ZNF23: variants seen among roughly 807,000 people sequenced by gnomAD.
The protein encoded by ZNF23 is kruppel-like zinc finger factor X31.
In ZNF23, 48 loss-of-function variants were observed where a neutral mutation model predicts 56.2. That is an observed-to-expected ratio of 0.85 (90% CI 0.68 to 1.09). The LOEUF (loss-of-function observed/expected upper bound fraction) is 1.09. Ranked by LOEUF, ZNF23 falls within the 50% of genes least tolerant of loss-of-function variation. The pLI is 0.00. For missense variants in ZNF23, 805 were observed against 811.4 expected (o/e 0.99, Z 0.10); for synonymous variants, 266 against 283.3 (o/e 0.94, Z 0.61).
rs571668049 is a variant in ZNF23, at chr16:71,457,352, C to T, written c.-32-524G>A. Among the ~76,000 whole-genome samples, 119 of 152,274 alleles carry T rather than the reference C, an allele frequency of 7.8e-4. 3 individuals are homozygous for T. The South Asian group carries it at 0.023, about 30-fold the overall frequency. ...GGCCAGGGCGGGTGGATCACAAGGT[C>T]AGGAGATCAAGACCATCCTGGCTAA... On this transcript the variant is annotated intron_variant, in intron 1 of 4. Coordinates refer to ENST00000647773, the MANE Select transcript of ZNF23 (RefSeq NM_001381984.1).
intron 1 of ZNF23, among the ~76,000 whole-genome samples, chr16:71,457,418 C>T (rs1054976927): frequency 6.6e-6 from 1 of 152,178 alleles, no homozygotes; most frequent in East Asian, 1.9e-4. Flanking sequence ...TAAAAATTAG[C>T]CGGGCGTGCT....
chr16:71,455,437 C>T (rs1250912161), intron 2 of ZNF23, among the ~76,000 whole-genome samples: 2 of 152,088 alleles, frequency 1.3e-5, no homozygotes, highest in African/African-American at 4.8e-5. Flanking sequence ...GCTCACTGCA[C>T]CCTCTGCCTC....
At position 71,453,298 on chromosome 16, in the gene ZNF23, C is replaced by T; in HGVS notation, c.213G>A (p.Glu71=). The T allele has an allele frequency of 6.2e-7, 1 of 1,608,606 alleles. No individual in the cohort carries two copies. Among genetic ancestry groups the T allele is most frequent in the Middle Eastern group, 1.7e-4 (1 of 6,046 alleles). The part of the protein sequence containing the change: ...AVISQLEGGS[E]LGGSSPLAAG... ...CAGCCAGTGGAGATGAGCCCCCCAG[C>T]TCACTTCCTCCCTCCAGTTGTGAGA... The change falls in exon 4 of 5, where the codon GAG becomes GAA. Residue 71 remains glutamate, a synonymous_variant. Coordinates refer to ENST00000647773, the MANE Select transcript of ZNF23 (RefSeq NM_001381984.1).
At chr16:71,451,913 AG>A (rs2043068056) in intron 4 of ZNF23, 2 of 152,256 alleles carry the variant, frequency 1.3e-5, no homozygotes, top group South Asian at 4.1e-4. Flanking sequence ...ACACAGTTAC[AG>A]CAAATGAGTC....
At chr16:71,450,077 T>C in intron 4 of ZNF23, 192 bp from the exon 5 acceptor site, 1 of 469,120 alleles carries the variant, frequency 2.1e-6, no homozygotes, top group Non-Finnish European at 3.7e-6. Flanking sequence ...AATAAATCCA[T>C]ATATGCTGAC....
chr16:71,449,959 G>T (rs1166863476), intron 4 of ZNF23, 74 bp from the exon 5 acceptor site: 3 of 1,254,240 alleles, frequency 2.4e-6, no homozygotes, highest in Non-Finnish European at 3.2e-6. Flanking sequence ...TGCTATAAAA[G>T]ACCATAATAA....
chr16:71,454,074 A>G lies in ZNF23; in HGVS notation c.128T>C (p.Met43Thr). The G allele has an allele frequency of 8.1e-6, 13 of 1,614,116 alleles. No homozygotes were observed. The highest frequency in any genetic ancestry group is 1.3e-5 in the African/African-American group (1 of 75,032). Reference protein sequence around the residue: ...PAQRTLYRDVMLENYGNVASL... With the variant: ...PAQRTLYRDVTLENYGNVASL... ...GGCCACATTCCCATAATTCTCCAGC[A>G]TCACATCCCTGTACAGGGTCCTCTG... The change falls in exon 3 of 5, where the codon ATG (methionine) becomes ACG (threonine). Residue 43 changes from methionine to threonine, a missense_variant. Physicochemically the swap from Met to Thr is moderately conservative, Grantham distance 81 (BLOSUM62 -1). Coordinates refer to ENST00000647773, the MANE Select transcript of ZNF23 (RefSeq NM_001381984.1).
rs758571962 is a variant in ZNF23 at position 71,449,853 on chromosome 16, C to T, written c.301G>A (p.Glu101Lys). ...ACATTCTCTTTTCCTTCATACATTT[C>T]CTTTGTCAAATCATTGTCAGTCTGA... The part of the protein sequence containing the change: ...DIQTDNDLTK[E>K]MYEGKENVSF... The change falls in exon 5 of 5, where the codon GAA becomes AAA. Residue 101 changes from glutamate (E) to lysine (K), a missense_variant. Glu to Lys is a moderately conservative substitution (Grantham distance 56). Transcript: ENST00000647773. The T allele has an allele frequency of 6.8e-6, 11 of 1,606,986 alleles. No individual in the cohort carries two copies. The highest frequency in any genetic ancestry group is 9.3e-6 in the Non-Finnish European group (11 of 1,178,128).
At position 71,456,820 on chromosome 16, in the gene ZNF23, G is replaced by A. The variant is rs1318356002; in HGVS notation, c.-24C>T. ...ATCCCCTGGTCCCCGTCTCAGAGAA[G>A]GGCTGGAGCTAAGGAGAAACACAAA... On this transcript the variant is annotated 5_prime_UTR_variant, in exon 2 of 5. Coordinates refer to ENST00000647773, the MANE Select transcript of ZNF23 (RefSeq NM_001381984.1). 3.0e-6 allele frequency: 3 copies of A among 984,482 alleles called. No individual in the cohort carries two copies. In the African/African-American group the frequency reaches 5.2e-5, roughly 17 times the overall value. The allele number at this position is 984,482 out of a possible 1,614,324, so 61.0% of individuals were successfully genotyped here.
intron 1 of ZNF23, 91 bp downstream of exon 1, chr16:71,462,119 C>T (rs2043482904): frequency 6.6e-6 from 1 of 152,372 alleles, no homozygotes; most frequent in South Asian, 2.1e-4. Flanking sequence ...CACGGGAGAC[C>T]CTGCAGCACC....
intron 1 of ZNF23, among the ~76,000 whole-genome samples, chr16:71,457,145 A>G (rs2043263018): frequency 6.6e-6 from 1 of 152,148 alleles, no homozygotes; most frequent in Non-Finnish European, 1.5e-5. Flanking sequence ...TGCATATAAA[A>G]CCTGCTGGGC....
Position 71,449,045 on chromosome 16 carries a change from T to C in ZNF23, c.1109A>G (p.Gln370Arg), listed in dbSNP as rs1278300932. ...FNVNAKLIQH[Q>R]RIHTGEKPYE... ...AGGTTTCTCTCCAGTATGGATTCTC[T>C]GATGTTGAATTAATTTTGCATTAAC... Residue 370 changes from glutamine to arginine, a missense_variant, in exon 5 of 5, where the codon CAG becomes CGG. Gln to Arg is a conservative substitution (Grantham distance 43). Transcript: ENST00000647773. The C allele has an allele frequency of 1.1e-5, 17 of 1,614,112 alleles. No homozygotes were observed. The highest frequency in any genetic ancestry group is 1.4e-5 in the Non-Finnish European group (16 of 1,180,044).
rs2042901067 is a variant in ZNF23, at chr16:71,447,790, AT to A, written c.*302del. ...AAAGTGGCCCTCAGTGAAGACTTAA[AT>A]TTCTCCATACAAGTCCTCCATAACT... On this transcript the variant is annotated 3_prime_UTR_variant, in exon 5 of 5. Transcript: ENST00000647773. The A allele has an allele frequency of 5.0e-6, 1 of 201,764 alleles. No homozygotes were observed. Among genetic ancestry groups the A allele is most frequent in the Non-Finnish European group, 9.8e-6 (1 of 101,542 alleles). 12.5% of individuals were successfully genotyped at this position (201,764 alleles called of 1,614,324 possible). A position where few individuals can be genotyped will look rare whatever the true frequency, so the allele number is the denominator to read the frequency against.
At chr16:71,459,622 G>A (rs2043368328) in intron 1 of ZNF23, among the ~76,000 whole-genome samples, 1 of 152,050 alleles carries the variant, frequency 6.6e-6, no homozygotes. Context: ...ATTTTCCTTG[G>A]GATACACTAT....
At chr16:71,460,834 TGTAG>T (rs1375158883) in intron 1 of ZNF23, among the ~76,000 whole-genome samples, 1 of 152,212 alleles carries the variant, frequency 6.6e-6, no homozygotes, top group Non-Finnish European at 1.5e-5. Flanking sequence ...AACTCTCATA[TGTAG>T]GAAGTACGTA....
At chr16:71,459,252 C>T (rs2043350788) in intron 1 of ZNF23, among the ~76,000 whole-genome samples, 1 of 152,234 alleles carries the variant, frequency 6.6e-6, no homozygotes, top group Non-Finnish European at 1.5e-5. Context: ...TGTGGGACCC[C>T]CTTGACCAAT....
Position 71,448,516 on chromosome 16 carries a change from G to A in ZNF23, c.1638C>T (p.Pro546=), listed in dbSNP as rs2042929461. 1.2e-6 allele frequency: 2 copies of A among 1,613,978 alleles called. No homozygotes were observed. The highest frequency in any genetic ancestry group is 2.7e-5 in the African/African-American group (2 of 74,890). ...DHHRIHTGEK[P]YQCKECGKAF... is the part of the protein sequence containing the mutation. ...CTTTCCCACATTCCTTACATTGATA[G>A]GGCTTTTCTCCAGTATGGATTCGGT... The change falls in exon 5 of 5, where the codon CCC becomes CCT. Residue 546 remains proline, a synonymous_variant. Transcript: ENST00000647773.
intron 1 of ZNF23, among the ~76,000 whole-genome samples, chr16:71,460,840 AAG>A (rs1183482785): frequency 2.6e-4 from 40 of 152,266 alleles, no homozygotes; most frequent in African/African-American, 9.4e-4. Flanking sequence ...CATATGTAGG[AAG>A]TACGTACAAA....
chr16:71,450,478 G>A (rs923786350), intron 4 of ZNF23: 4 of 265,718 alleles, frequency 1.5e-5, no homozygotes, highest in Non-Finnish European at 2.3e-5. Context: ...CAACACTTTG[G>A]GAGGCTGAAG....
Sources: gnomAD v4.1 joint callset for allele counts (sites outside exome capture counted in the v4.1 genomes callset) on GRCh38, gnomAD v4.1.1 for gene constraint, MANE v1.5 for transcripts, NCBI Gene and HGNC (gene_info 2026-07-23, HGNC 2026-07-21) for gene names.